Variants in GJC2 observed in about 807,000 individuals in gnomAD.
The protein encoded by GJC2 is gap junction gamma-2 protein.
For synonymous variants in GJC2, 336 were observed against 307.5 expected, an observed-to-expected ratio of 1.09 and a Z score of -0.97; for missense variants, 647 against 648.9, an observed-to-expected ratio of 1.00 and a Z score of 0.03.
Position 228,158,864 on chromosome 1 carries a change from G to C in GJC2, c.1106G>C (p.Arg369Pro). The change falls in exon 2 of 2, where the codon CGG becomes CCG. Residue 369 changes from arginine (R) to proline (P), a missense_variant. Coordinates refer to ENST00000366714, the MANE Select transcript of GJC2 (RefSeq NM_020435.4). This position sits in a 1 kb window ranked among gnomAD's most constrained non-coding sequence, Gnocchi z 8.3. Reference sequence around the variant, plus strand: ...GGGGCAGCGGCTGGGGACCGCGACCGGGACAGTTCGCCGTGCGTCGGCCTC... The same window carrying C: ...GGGGCAGCGGCTGGGGACCGCGACCCGGACAGTTCGCCGTGCGTCGGCCTC... ...RDGAAAGDRDRDSSPCVGLPA... is the reference protein window; with the variant it reads ...RDGAAAGDRDPDSSPCVGLPA... The C allele has an allele frequency of 6.7e-7, 1 of 1,484,596 alleles. No individual in the cohort carries two copies. Among genetic ancestry groups the C allele is most frequent in the Non-Finnish European group, 8.9e-7 (1 of 1,124,554 alleles). The allele number at this position is 1,484,596 out of a possible 1,614,324, so 92.0% of individuals were successfully genotyped here.
chr1:228,157,275 G>C (rs2034694324), intron 1 of GJC2, among the ~76,000 whole-genome samples: 1 of 152,100 alleles, frequency 6.6e-6, no homozygotes, highest in Non-Finnish European at 1.5e-5. Flanking sequence ...GGTGGTGCAG[G>C]CACGGGGGGC....
At chr1:228,155,263 G>T (rs1223269830) in intron 1 of GJC2, among the ~76,000 whole-genome samples, 1 of 152,244 alleles carries the variant, frequency 6.6e-6, no homozygotes, top group African/African-American at 2.4e-5. Flanking sequence ...GGAGCCGTGG[G>T]CAGAGCACAC....
rs989672635 is a variant in GJC2, at chr1:228,151,027, C to T, written c.-20+1020C>T. Among the ~76,000 whole-genome samples, 2 of 152,114 alleles carry T rather than the reference C, an allele frequency of 1.3e-5. No homozygotes were observed. Among genetic ancestry groups the T allele is most frequent in the Admixed American group, 6.5e-5 (1 of 15,286 alleles). ...CTCCCAGCCTGACCCAGGCCTAACT[C>T]GCCCCCTTGGTCCACCTCCAGAGGA... On this transcript the variant is annotated intron_variant, in intron 1 of 1. Transcript: ENST00000366714. The surrounding 1 kb of genome is among the most constrained non-coding windows in gnomAD (Gnocchi z 5.4).
chr1:228,156,350 T>C (rs1051108468), intron 1 of GJC2, among the ~76,000 whole-genome samples: 8 of 152,212 alleles, frequency 5.3e-5, no homozygotes, highest in Non-Finnish European at 2.9e-5. Flanking sequence ...TGCATGTGTG[T>C]CTGAGCATGC....
chr1:228,156,992 G>A (rs576612421), intron 1 of GJC2, among the ~76,000 whole-genome samples: 99 of 152,384 alleles, frequency 6.5e-4, no homozygotes, highest in Admixed American at 1.2e-3. Context: ...GCTAGAGATG[G>A]TCTGGGTTGA....
Position 228,158,340 on chromosome 1 carries a change from G to T in GJC2, c.582G>T (p.Pro194=), listed in dbSNP as rs2034717002. 1 of 1,575,238 alleles carries T rather than the reference G, an allele frequency of 6.3e-7. No individual in the cohort carries two copies. Among genetic ancestry groups the T allele is most frequent in the Non-Finnish European group, 8.6e-7 (1 of 1,164,598 alleles). ...ADGKAAGTPG[P]TGQHDGRRRI... ...GCAAGGCGGCAGGGACCCCGGGCCC[G>T]ACCGGGCAACACGATGGGCGGAGGC... is the stretch of plus-strand genomic sequence containing the variant. The change falls in exon 2 of 2, where the codon CCG becomes CCT. Residue 194 remains proline (P), a synonymous_variant. Coordinates refer to ENST00000366714, the MANE Select transcript of GJC2 (RefSeq NM_020435.4). This position sits in a 1 kb window ranked among gnomAD's most constrained non-coding sequence, Gnocchi z 8.3.
intron 1 of GJC2, among the ~76,000 whole-genome samples, chr1:228,153,222 A>G (rs1168821255): frequency 6.6e-6 from 1 of 151,900 alleles, no homozygotes; most frequent in Non-Finnish European, 1.5e-5. Flanking sequence ...TTTATTTTAC[A>G]GCACTTTCAC....
rs1198063063 is a variant in GJC2, at chr1:228,151,572, A to T, written c.-20+1565A>T. ...ATGTTGAGCTCGAGCAGCAGTGTGCATGTGGCAGTGTGCACTGCTTGTGTG... is the reference window on the plus strand; with the variant it reads ...ATGTTGAGCTCGAGCAGCAGTGTGCTTGTGGCAGTGTGCACTGCTTGTGTG... On this transcript the variant is annotated intron_variant, in intron 1 of 1. Transcript: ENST00000366714. This position sits in a 1 kb window ranked among gnomAD's most constrained non-coding sequence, Gnocchi z 5.4. 6.6e-6 allele frequency among the ~76,000 whole-genome samples: 1 copy of T among 152,066 alleles called. No individual in the cohort carries two copies. The highest frequency in any genetic ancestry group is 1.5e-5 in the Non-Finnish European group (1 of 67,998).
At position 228,158,369 on chromosome 1, in the gene GJC2, TC is replaced by T. The variant is rs2034717907; in HGVS notation, c.613del (p.Gln205SerfsTer5). 6.3e-7 allele frequency: 1 copy of T among 1,599,016 alleles called. No individual in the cohort carries two copies. The highest frequency in any genetic ancestry group is 1.1e-5 in the South Asian group (1 of 90,414). On this transcript the variant is annotated frameshift_variant, in exon 2 of 2. Coordinates refer to ENST00000366714, the MANE Select transcript of GJC2 (RefSeq NM_020435.4). LOFTEE classifies it low-confidence loss of function (END_TRUNC). The surrounding 1 kb of genome is among the most constrained non-coding windows in gnomAD (Gnocchi z 8.3). ...PTGQHDGRRR[I>X]QREGLMRVYV... ...GGGCAACACGATGGGCGGAGGCGCA[TC>T]CAGCGGGAGGGCCTGATGCGCGTGT...
At position 228,152,763 on chromosome 1, in the gene GJC2, C is replaced by T. The variant is rs1416917074; in HGVS notation, c.-20+2756C>T. On this transcript the variant is annotated intron_variant, in intron 1 of 1. Transcript: ENST00000366714. This position sits in a 1 kb window ranked among gnomAD's most constrained non-coding sequence, Gnocchi z 7.3. ...ACCCTGTGAGTCCCCGGCCCTCCACCAATGCCCACATCCTCCTCTACTTCC... is the reference window on the plus strand; with the variant it reads ...ACCCTGTGAGTCCCCGGCCCTCCACTAATGCCCACATCCTCCTCTACTTCC... 6.6e-6 allele frequency among the ~76,000 whole-genome samples: 1 copy of T among 152,042 alleles called. No homozygotes were observed. Among genetic ancestry groups the T allele is most frequent in the Non-Finnish European group, 1.5e-5 (1 of 67,990 alleles).
intron 1 of GJC2, among the ~76,000 whole-genome samples, chr1:228,155,180 T>C (rs935948541): frequency 4.6e-5 from 7 of 152,172 alleles, no homozygotes; most frequent in African/African-American, 1.2e-4. Context: ...CCTGTGTGTG[T>C]GCGCCTGTGC....
At chr1:228,155,240 T>C (rs1371386600) in intron 1 of GJC2, among the ~76,000 whole-genome samples, 1 of 152,102 alleles carries the variant, frequency 6.6e-6, no homozygotes, top group African/African-American at 2.4e-5. Flanking sequence ...GGGAGTGGGC[T>C]CCAGCCAGTG....
Position 228,158,065 on chromosome 1 carries a change from GC to G in GJC2, c.310del (p.Arg104ValfsTer106), listed in dbSNP as rs1064793505. 9 of 1,603,672 alleles carry G rather than the reference GC, an allele frequency of 5.6e-6. No homozygotes were observed. The highest frequency in any genetic ancestry group is 7.6e-6 in the Non-Finnish European group (9 of 1,178,068). ...MYLGYAVHRLARASEQERRRA... is the reference protein window; with the variant it reads ...MYLGYAVHRLXRASEQERRRA... The stretch of plus-strand genomic sequence containing the variant: ...CCTGGGCTACGCCGTGCACCGCCTG[GC>G]CCGTGCGTCTGAGCAGGAGCGGCGC... On this transcript the variant is annotated frameshift_variant, in exon 2 of 2. Transcript: ENST00000366714. LOFTEE classifies it low-confidence loss of function (END_TRUNC). The surrounding 1 kb of genome is among the most constrained non-coding windows in gnomAD (Gnocchi z 8.3).
In GJC2 at chr1:228,158,881, G is replaced by T; in HGVS notation, c.1123G>T (p.Val375Phe). 1 of 1,488,640 alleles carries T rather than the reference G, an allele frequency of 6.7e-7. No individual in the cohort carries two copies. 92.2% of individuals were successfully genotyped at this position (1,488,640 alleles called of 1,614,324 possible). ...GDRDRDSSPCVGLPAASRGPP... is the reference protein window; with the variant it reads ...GDRDRDSSPCFGLPAASRGPP... The stretch of plus-strand genomic sequence containing the variant: ...CCGCGACCGGGACAGTTCGCCGTGC[G>T]TCGGCCTCCCTGCGGCCTCCCGGGG... The change falls in exon 2 of 2, where the codon GTC becomes TTC. Residue 375 changes from valine (V) to phenylalanine (F), a missense_variant. Coordinates refer to ENST00000366714, the MANE Select transcript of GJC2 (RefSeq NM_020435.4). The surrounding 1 kb of genome is among the most constrained non-coding windows in gnomAD (Gnocchi z 8.3).
rs1160640177 is a variant in GJC2, at chr1:228,151,525, G to A, written c.-20+1518G>A. On this transcript the variant is annotated intron_variant, in intron 1 of 1. Coordinates refer to ENST00000366714, the MANE Select transcript of GJC2 (RefSeq NM_020435.4). This position sits in a 1 kb window ranked among gnomAD's most constrained non-coding sequence, Gnocchi z 5.4. ...GGAGGGTTCATGGCTATGTGTGAGA[G>A]TGAGTGTGTGAGCCCAGCTCCATGT... is the stretch of plus-strand genomic sequence containing the variant. Among the ~76,000 whole-genome samples the A allele has an allele frequency of 2.0e-5, 3 of 152,140 alleles. No homozygotes were observed. The highest frequency in any genetic ancestry group is 7.2e-5 in the African/African-American group (3 of 41,418).
At chr1:228,155,551 C>CT (rs1165820051) in intron 1 of GJC2, among the ~76,000 whole-genome samples, 4 of 152,152 alleles carry the variant, frequency 2.6e-5, no homozygotes, top group Admixed American at 6.5e-5. Flanking sequence ...TGCTGGGCAT[C>CT]TGAGTGCCCA....
In GJC2 at chr1:228,157,954, G is replaced by A. The variant is rs1229927569; in HGVS notation, c.196G>A (p.Val66Ile). 6.2e-7 allele frequency: 1 copy of A among 1,612,568 alleles called. No individual in the cohort carries two copies. Among genetic ancestry groups the A allele is most frequent in the Non-Finnish European group, 8.5e-7 (1 of 1,179,844 alleles). Residue 66 changes from valine to isoleucine, a missense_variant, in exon 2 of 2, where the codon GTC becomes ATC. Val to Ile is a conservative substitution (Grantham distance 29). Transcript: ENST00000366714. ...CNTRQPGCDN[V>I]CYDAFAPLSH... ...CACGCGGCAGCCAGGCTGCGACAAC[G>A]TCTGCTATGACGCCTTCGCGCCCCT...
At position 228,157,741 on chromosome 1, in the gene GJC2, A is replaced by AGGCCCCCCCCCCCCC; in HGVS notation, c.-18_-17insGGCCCCCCCCCCCCC. On this transcript the variant is annotated splice_region_variant and 5_prime_UTR_variant, in exon 2 of 2. Transcript: ENST00000366714. ...GCTGACCCCTACCCCGCCCCACAGG[A>AGGCCCCCCCCCCCCC]CCCGCCCGCCCGCCCCTATGACCAA... 1 of 354,470 alleles carries AGGCCCCCCCCCCCCC rather than the reference A, an allele frequency of 2.8e-6. No individual in the cohort carries two copies. The highest frequency in any genetic ancestry group is 5.6e-6 in the Non-Finnish European group (1 of 177,092). 22.0% of individuals were successfully genotyped at this position (354,470 alleles called of 1,614,324 possible).
rs746260453 is a variant in GJC2 at position 228,158,656 on chromosome 1, G to A, written c.898G>A (p.Gly300Ser). 7.2e-6 allele frequency: 11 copies of A among 1,521,604 alleles called. No homozygotes were observed. In the Admixed American group the frequency reaches 1.9e-4, roughly 26 times the overall value. 94.3% of individuals were successfully genotyped at this position (1,521,604 alleles called of 1,614,324 possible). ...GLGSAQDAVR[G>S]RRGPPASAPA... is the part of the protein sequence containing the mutation. ...GGGCAGCGCGCAGGACGCGGTGCGCGGCCGCCGCGGCCCCCCGGCCTCCGC... is the reference window on the plus strand; with the variant it reads ...GGGCAGCGCGCAGGACGCGGTGCGCAGCCGCCGCGGCCCCCCGGCCTCCGC... Residue 300 changes from glycine (G) to serine (S), a missense_variant, in exon 2 of 2, where the codon GGC becomes AGC. Gly to Ser is a moderately conservative substitution (Grantham distance 56). Transcript: ENST00000366714. This position sits in a 1 kb window ranked among gnomAD's most constrained non-coding sequence, Gnocchi z 8.3.
Sources: gnomAD v4.1 joint callset for allele counts (sites outside exome capture counted in the v4.1 genomes callset) on GRCh38, gnomAD v4.1.1 for gene constraint, Gnocchi (gnomAD v3.1) non-coding constraint, MANE v1.5 for transcripts, NCBI Gene and HGNC (gene_info 2026-07-23, HGNC 2026-07-21) for gene names.